THOC2: variants seen among roughly 807,000 people sequenced by gnomAD.
THOC2 encodes THO complex subunit 2, also known as THO complex 2.
THOC2 carries 10 observed loss-of-function variants against 128.4 expected under a neutral mutation model. The ratio of observed to expected loss-of-function variants is 0.08; its 90% confidence interval spans 0.05 to 0.13. The LOEUF is 0.13. Among genes scored for constraint, THOC2 ranks in the 10% least tolerant of loss-of-function variants. THOC2 has a pLI of 1.00. For synonymous variants in THOC2, 393 were observed against 396.9 expected (o/e 0.99, Z 0.12); for missense variants, 535 against 1,155.7 (o/e 0.46, Z 7.79).
chrX:123,645,949 CA>C (rs34625161), intron 12 of THOC2, among the ~76,000 whole-genome samples: 141 of 90,862 alleles, frequency 1.6e-3, no homozygotes, highest in Non-Finnish European at 1.4e-3. Context: ...ACAACAAGAG[CA>C]AAAAAAAAAA....
intron 33 of THOC2, 47 bp downstream of exon 33, chrX:123,619,354 A>T (rs1400153368): frequency 1.2e-6 from 1 of 856,840 alleles, no homozygotes; most frequent in Non-Finnish European, 1.7e-6. Context: ...AAAATAAGTA[A>T]AGAACATTTG....
intron 33 of THOC2, among the ~76,000 whole-genome samples, chrX:123,615,488 C>T (rs1255317964): frequency 9.0e-6 from 1 of 110,583 alleles, no homozygotes; most frequent in Non-Finnish European, 1.9e-5. Flanking sequence ...AAAAGATACT[C>T]TTGCTGGCTA....
At chrX:123,612,735 A>G (rs2046746305) in intron 36 of THOC2, among the ~76,000 whole-genome samples, 1 of 112,200 alleles carries the variant, frequency 8.9e-6, no homozygotes, top group South Asian at 3.7e-4. Context: ...TTTAAAGCAT[A>G]GAATTAAAAT....
At chrX:123,705,764 G>C (rs998879470) in intron 3 of THOC2, among the ~76,000 whole-genome samples, 9 of 110,528 alleles carry the variant, frequency 8.1e-5, no homozygotes, top group Non-Finnish European at 1.7e-4. Flanking sequence ...AGAAAAAAAG[G>C]CTACAGAAGA....
chrX:123,715,883 CATTCAATA>C (rs1460039128), intron 1 of THOC2, among the ~76,000 whole-genome samples: 5 of 107,604 alleles, frequency 4.6e-5, no homozygotes, highest in Non-Finnish European at 9.6e-5. Flanking sequence ...TTTAGCTAGA[CATTCAATA>C]AAGAAAAAGA....
intron 7 of THOC2, among the ~76,000 whole-genome samples, chrX:123,694,994 C>G (rs2050394551): frequency 8.9e-6 from 1 of 112,041 alleles, no homozygotes; most frequent in Non-Finnish European, 1.9e-5. Context: ...AAAAAATAAA[C>G]TAAAAGCTAC....
At position 123,610,954 on chromosome X, in the gene THOC2, G is replaced by A. The variant is rs1171005816; in HGVS notation, c.4764C>T (p.Ser1588=). The A allele has an allele frequency of 8.3e-7, 1 of 1,208,966 alleles. No homozygotes were observed. Among genetic ancestry groups the A allele is most frequent in the Non-Finnish European group, 1.1e-6 (1 of 894,206 alleles). ...GGKEEKKHHK[S]SDKHR ...GTCTTCATTATCTGTGCTTGTCCGAGGACTTATGAGTAGATGACAAATTAA... is the reference window on the plus strand; with the variant it reads ...GTCTTCATTATCTGTGCTTGTCCGAAGACTTATGAGTAGATGACAAATTAA... Residue 1588 remains serine, a synonymous_variant, in exon 38 of 39, where the codon TCC becomes TCT. Transcript: ENST00000245838.
intron 4 of THOC2, among the ~76,000 whole-genome samples, chrX:123,699,657 C>T (rs1308941365): frequency 9.0e-6 from 1 of 111,232 alleles, no homozygotes; most frequent in Admixed American, 9.6e-5. Flanking sequence ...TCTCAAGGTC[C>T]CTAAGAACAG....
At chrX:123,657,189 C>A (rs1207679432) in intron 12 of THOC2, among the ~76,000 whole-genome samples, 2 of 110,539 alleles carry the variant, frequency 1.8e-5, no homozygotes, top group East Asian at 2.8e-4. Flanking sequence ...TAGAAGCCTG[C>A]AAAACTGAAA....
At chrX:123,672,302 CTT>C (rs1386246004) in intron 8 of THOC2, among the ~76,000 whole-genome samples, 7 of 97,976 alleles carry the variant, frequency 7.1e-5, no homozygotes, top group Admixed American at 3.4e-4. Context: ...CCACACCCAG[CTT>C]TTTTTTTTTT....
chrX:123,676,491 T>C (rs947070721), intron 8 of THOC2, among the ~76,000 whole-genome samples: 1 of 111,395 alleles, frequency 9.0e-6, no homozygotes, highest in Admixed American at 9.6e-5. Context: ...TAGAATATAG[T>C]AAAAAAAACT....
chrX:123,604,329 G>A (rs370773504), intron 38 of THOC2, among the ~76,000 whole-genome samples: 2 of 110,802 alleles, frequency 1.8e-5, no homozygotes, highest in South Asian at 7.5e-4. Flanking sequence ...ATGTGTGAAC[G>A]CCATTTTATA....
intron 8 of THOC2, among the ~76,000 whole-genome samples, chrX:123,678,617 T>A (rs1014375516): frequency 6.3e-5 from 7 of 110,780 alleles, no homozygotes; most frequent in African/African-American, 2.3e-4. Context: ...TGCTAAACCC[T>A]TTACTGTGAA....
intron 12 of THOC2, among the ~76,000 whole-genome samples, chrX:123,647,976 C>A (rs1400716006): frequency 9.0e-6 from 1 of 110,592 alleles, no homozygotes; most frequent in African/African-American, 3.3e-5. Flanking sequence ...ATCAGCCTAA[C>A]TTCTATGAAC....
At chrX:123,692,494 CTTTTTTTTTTTTTT>C (rs984272905) in intron 7 of THOC2, among the ~76,000 whole-genome samples, 2 of 56,912 alleles carry the variant, frequency 3.5e-5, no homozygotes, top group Non-Finnish European at 5.9e-5. Context: ...AAATAACTGC[CTTTTTTTTTTTTTT>C]TTTTTTTTTT....
rs2046778580 is a variant in THOC2 at position 123,613,450 on chromosome X, A to G, written c.4626T>C (p.Ser1542=). Residue 1542 remains serine (S), a synonymous_variant, in exon 36 of 39, where the codon AGT becomes AGC. Transcript: ENST00000245838. The stretch of plus-strand genomic sequence containing the variant: ...CCATCTTCTCAGATTTAAATGAATC[A>G]CTGCCTTTTTCTTTGCCTGAAGATT... The part of the protein sequence containing the change: ...KSKSSGKEKG[S]DSFKSEKMDK... 2 of 1,209,897 alleles carry G rather than the reference A, an allele frequency of 1.7e-6. No individual in the cohort carries two copies. Among genetic ancestry groups the G allele is most frequent in the Non-Finnish European group, 2.2e-6 (2 of 894,136 alleles).
At chrX:123,727,976 G>A (rs2052068807) in intron 1 of THOC2, among the ~76,000 whole-genome samples, 1 of 112,342 alleles carries the variant, frequency 8.9e-6, no homozygotes, top group African/African-American at 3.2e-5. Context: ...CCATTTTCCA[G>A]TAAAAAGGAA....
intron 7 of THOC2, among the ~76,000 whole-genome samples, chrX:123,695,740 G>T (rs1246298418): frequency 9.0e-6 from 1 of 111,071 alleles, no homozygotes; most frequent in African/African-American, 3.3e-5. Context: ...TGAAAGTGTT[G>T]GCTTACCACT....
At chrX:123,732,169 G>C (rs1439939899) in intron 1 of THOC2, among the ~76,000 whole-genome samples, 1 of 111,744 alleles carries the variant, frequency 8.9e-6, no homozygotes, top group African/African-American at 3.3e-5. Context: ...CGTTATCCTA[G>C]GTACTGGAGA....
Sources: allele counts gnomAD v4.1 joint callset (sites outside exome capture counted in the v4.1 genomes callset), GRCh38; gene constraint gnomAD v4.1.1; transcripts MANE v1.5; gene names NCBI Gene and HGNC (gene_info 2026-07-23, HGNC 2026-07-21).